CADM2: variants seen among roughly 807,000 people sequenced by gnomAD.
The protein encoded by CADM2 is cell adhesion molecule 2.
CADM2 carries 12 observed loss-of-function variants against 49.8 expected under a neutral mutation model. The ratio of observed to expected loss-of-function variants is 0.24; its 90% CI spans 0.15 to 0.39. The LOEUF (loss-of-function observed/expected upper bound fraction) is 0.39, where lower values mean the gene tolerates loss of function less well. CADM2 is among the 10% of genes least tolerant of loss of function. The probability of loss-of-function intolerance (pLI) is 1.00; values close to 1 mark genes in which losing one functional copy is unlikely to be tolerated. For synonymous variants in CADM2, 214 were observed against 175.4 expected (o/e 1.22, Z -1.74); for missense variants, 378 against 492.3 (o/e 0.77, Z 2.20).
At chr3:85,126,875 T>C (rs1235424942) in intron 1 of CADM2, among the ~76,000 whole-genome samples, 1 of 152,150 alleles carries the variant, frequency 6.6e-6, no homozygotes, top group Non-Finnish European at 1.5e-5. Flanking sequence ...TAATTTCTTT[T>C]TTCTAGGATA....
intron 1 of CADM2, among the ~76,000 whole-genome samples, chr3:85,387,980 C>T (rs1022617005): frequency 6.6e-6 from 1 of 152,258 alleles, no homozygotes; most frequent in Admixed American, 6.5e-5. Context: ...AGAAGCTGCT[C>T]TCAGAATAGA....
At chr3:85,604,508 C>A (rs887607361) in intron 1 of CADM2, among the ~76,000 whole-genome samples, 2 of 151,926 alleles carry the variant, frequency 1.3e-5, no homozygotes, top group Non-Finnish European at 2.9e-5. Flanking sequence ...GTTTCTAAAA[C>A]CTGGTTGTGA....
intron 1 of CADM2, among the ~76,000 whole-genome samples, chr3:85,133,680 T>C (rs1195271385): frequency 2.0e-5 from 3 of 152,208 alleles, no homozygotes; most frequent in Non-Finnish European, 4.4e-5. Flanking sequence ...GGGTGCTGAC[T>C]GGTGTGTTTA....
intron 2 of CADM2, among the ~76,000 whole-genome samples, chr3:85,772,311 T>C (rs2107957804): frequency 6.6e-6 from 1 of 152,216 alleles, no homozygotes; most frequent in South Asian, 2.1e-4. Flanking sequence ...CGTTTAGCTT[T>C]GGAATTTCTG....
At chr3:85,978,501 G>A (rs1727068474) in intron 8 of CADM2, among the ~76,000 whole-genome samples, 2 of 151,502 alleles carry the variant, frequency 1.3e-5, no homozygotes, top group African/African-American at 4.8e-5. Context: ...ACTTGTTAAA[G>A]ACTCCTAGGT....
intron 1 of CADM2, among the ~76,000 whole-genome samples, chr3:85,235,544 A>G (rs2042389820): frequency 6.6e-6 from 1 of 152,230 alleles, no homozygotes; most frequent in Non-Finnish European, 1.5e-5. Flanking sequence ...AATGCACTGT[A>G]TTTGATTTTA....
intron 1 of CADM2, among the ~76,000 whole-genome samples, chr3:85,418,591 AT>A (rs1194593090): frequency 2.6e-5 from 4 of 151,680 alleles, no homozygotes; most frequent in East Asian, 1.9e-4. Context: ...GTTACATTAT[AT>A]TTTTTTAGGT....
intron 3 of CADM2, among the ~76,000 whole-genome samples, chr3:85,855,220 C>T (rs887339449): frequency 2.0e-5 from 3 of 152,128 alleles, no homozygotes; most frequent in African/African-American, 7.2e-5. Context: ...GAAACACCCT[C>T]ACTAGAACAC....
At chr3:85,072,850 TTTTTTATCCCTGTGATTA>T (rs749587081) in intron 1 of CADM2, among the ~76,000 whole-genome samples, 1 of 152,108 alleles carries the variant, frequency 6.6e-6, no homozygotes, top group African/African-American at 2.4e-5. Flanking sequence ...TGCAGAGGTT[TTTTTTATCCCTGTGATTA>T]TTTGGGATTA....
chr3:85,649,311 T>A (rs1041392377), intron 1 of CADM2, among the ~76,000 whole-genome samples: 1 of 152,162 alleles, frequency 6.6e-6, no homozygotes, highest in African/African-American at 2.4e-5. Context: ...ATATACTTAT[T>A]GTTTAGCAAA....
At chr3:85,587,990 T>C (rs902223857) in intron 1 of CADM2, among the ~76,000 whole-genome samples, 1 of 151,986 alleles carries the variant, frequency 6.6e-6, no homozygotes, top group African/African-American at 2.4e-5. Context: ...TGGTTTCCAA[T>C]TCCTGGGCTC....
At chr3:84,997,982 G>T (rs973047052) in intron 1 of CADM2, among the ~76,000 whole-genome samples, 2 of 152,090 alleles carry the variant, frequency 1.3e-5, no homozygotes, top group Non-Finnish European at 2.9e-5. Context: ...AAGTAAAATT[G>T]CAAGCAGCCA....
chr3:85,475,185 A>C (rs983631896), intron 1 of CADM2, among the ~76,000 whole-genome samples: 2 of 151,876 alleles, frequency 1.3e-5, no homozygotes, highest in Non-Finnish European at 2.9e-5. Context: ...CTTGACTTTA[A>C]TGTTGGAATA....
At chr3:85,100,641 T>C (rs1279183041) in intron 1 of CADM2, among the ~76,000 whole-genome samples, 1 of 152,148 alleles carries the variant, frequency 6.6e-6, no homozygotes, top group Admixed American at 6.6e-5. Flanking sequence ...AAATTTTCAT[T>C]TGTAGCTTGT....
At chr3:85,209,664 T>A (rs1443412278) in intron 1 of CADM2, among the ~76,000 whole-genome samples, 1 of 151,938 alleles carries the variant, frequency 6.6e-6, no homozygotes, top group African/African-American at 2.4e-5. Context: ...CTCAGGCATC[T>A]TAAAAAAAAA....
At chr3:85,507,269 C>T (rs574776818) in intron 1 of CADM2, among the ~76,000 whole-genome samples, 2 of 151,142 alleles carry the variant, frequency 1.3e-5, no homozygotes, top group South Asian at 4.2e-4. Context: ...TTGCAACCTC[C>T]ACCTCCCTCC....
chr3:85,734,687 T>C (rs1393002639), intron 2 of CADM2, among the ~76,000 whole-genome samples: 1 of 147,708 alleles, frequency 6.8e-6, no homozygotes, highest in Non-Finnish European at 1.5e-5. Flanking sequence ...ATATTTTAAA[T>C]ATAATATATA....
intron 1 of CADM2, among the ~76,000 whole-genome samples, chr3:85,568,463 C>CTTTCATTCTT (rs1424573453): frequency 1.5e-4 from 2 of 13,194 alleles, no homozygotes; most frequent in Non-Finnish European, 2.9e-4. Flanking sequence ...TTCTTTCTTT[C>CTTTCATTCTT]TCTTTCTCTC....
At chr3:85,459,267 A>G (rs1449408461) in intron 1 of CADM2, among the ~76,000 whole-genome samples, 1 of 152,130 alleles carries the variant, frequency 6.6e-6, no homozygotes, top group Non-Finnish European at 1.5e-5. Flanking sequence ...ATTGTCCAAA[A>G]CCAAAAAAAG....
Sources: allele counts gnomAD v4.1 joint callset (sites outside exome capture counted in the v4.1 genomes callset), GRCh38; gene constraint gnomAD v4.1.1; transcripts MANE v1.5; gene names NCBI Gene and HGNC (gene_info 2026-07-23, HGNC 2026-07-21).